Variants in RBFOX3 observed in about 807,000 individuals in gnomAD.
RBFOX3 encodes the protein RNA binding protein fox-1 homolog 3.
Under a neutral mutation model 48.7 loss-of-function variants are expected in RBFOX3, and 17 were observed. The ratio of observed to expected loss-of-function variants is 0.35; its 90% confidence interval spans 0.24 to 0.52. The LOEUF (loss-of-function observed/expected upper bound fraction) is 0.52, where lower values mean the gene tolerates loss of function less well. Among genes scored for constraint, RBFOX3 ranks in the 20% least tolerant of loss-of-function variants. The probability of loss-of-function intolerance (pLI) is 0.94; values close to 1 mark genes in which losing one functional copy is unlikely to be tolerated. For missense variants in RBFOX3, 382 were observed against 497.5 expected, an observed-to-expected ratio of 0.77 and a Z score of 2.21; for synonymous variants, 212 against 209.5, an observed-to-expected ratio of 1.01 and a Z score of -0.10.
At chr17:79,123,507 G>T (rs756554461) in intron 4 of RBFOX3, among the ~76,000 whole-genome samples, 34 of 150,948 alleles carry the variant, frequency 2.3e-4, no homozygotes, top group Non-Finnish European at 4.6e-4. Flanking sequence ...CAAGGACTTT[G>T]TCCCTCCTGC....
chr17:79,204,998 C>T lies in RBFOX3; in HGVS notation c.-34+30768G>A, dbSNP rs969401920. 1.3e-5 allele frequency among the ~76,000 whole-genome samples: 2 copies of T among 152,082 alleles called. No homozygotes were observed. The highest frequency in any genetic ancestry group is 2.4e-5 in the African/African-American group (1 of 41,384). On this transcript the variant is annotated intron_variant, in intron 4 of 14. Coordinates refer to ENST00000693108, the MANE Select transcript of RBFOX3 (RefSeq NM_001350451.2). This position sits in a 1 kb window ranked among gnomAD's most constrained non-coding sequence, Gnocchi z 4.5. ...CAGGAAAAAATCAAGAGCTAGAGAG[C>T]AGAGAACTCCTCAGTCATCACAACG... is the stretch of plus-strand genomic sequence containing the variant.
intron 4 of RBFOX3, among the ~76,000 whole-genome samples, chr17:79,179,065 G>T (rs1327521856): frequency 2.0e-5 from 3 of 152,200 alleles, no homozygotes; most frequent in South Asian, 2.1e-4. Context: ...AGTCAACAGG[G>T]GAAGCATCAA....
chr17:79,386,234 T>C lies in RBFOX3; in HGVS notation c.-174-78410A>G, dbSNP rs909118437. 2.9e-4 allele frequency among the ~76,000 whole-genome samples: 43 copies of C among 148,918 alleles called. 1 individual carries two copies. Among genetic ancestry groups the C allele is most frequent in the African/African-American group, 7.5e-4 (30 of 40,090 alleles). On this transcript the variant is annotated intron_variant, in intron 2 of 14. Coordinates refer to ENST00000693108, the MANE Select transcript of RBFOX3 (RefSeq NM_001350451.2). ...GAGAAAGAGGCTCCATCACCCTCCATTGCAGACAGGAACCTCCCACACCAG... is the reference window on the plus strand; with the variant it reads ...GAGAAAGAGGCTCCATCACCCTCCACTGCAGACAGGAACCTCCCACACCAG...
At chr17:79,294,730 C>A (rs868843700) in intron 3 of RBFOX3, among the ~76,000 whole-genome samples, 1 of 152,180 alleles carries the variant, frequency 6.6e-6, no homozygotes, top group Non-Finnish European at 1.5e-5. Context: ...CTGGGGGCCA[C>A]GTGGAGGAGG....
intron 1 of RBFOX3, among the ~76,000 whole-genome samples, chr17:79,557,142 G>A (rs1283927371): frequency 6.6e-6 from 1 of 151,192 alleles, no homozygotes; most frequent in African/African-American, 2.4e-5. Context: ...CTACTCGGGA[G>A]GCTGAAGCAG....
At chr17:79,475,619 T>C (rs1275776867) in intron 2 of RBFOX3, among the ~76,000 whole-genome samples, 4 of 152,262 alleles carry the variant, frequency 2.6e-5, no homozygotes, top group Admixed American at 2.6e-4. Context: ...ATGACTGGTG[T>C]CCTTAGAAGA....
the RBFOX3 span, among the ~76,000 whole-genome samples, chr17:79,660,851 T>A: frequency 6.6e-6 from 1 of 152,190 alleles, no homozygotes; most frequent in East Asian, 1.9e-4. Context: ...GCAGTACTAT[T>A]CACAATTGCA....
upstream of RBFOX3, among the ~76,000 whole-genome samples, chr17:79,614,109 C>T (rs1457302725): frequency 6.6e-6 from 1 of 152,242 alleles, no homozygotes; most frequent in East Asian, 1.9e-4. Flanking sequence ...AGCTGAGTCT[C>T]GGCCCAGAGG....
At chr17:79,460,222 C>T (rs1037533758) in intron 2 of RBFOX3, among the ~76,000 whole-genome samples, 7 of 152,148 alleles carry the variant, frequency 4.6e-5, no homozygotes, top group Non-Finnish European at 8.8e-5. Flanking sequence ...ACCACTGAAT[C>T]GCACCCTTTG....
Position 79,559,010 on chromosome 17 carries a change from A to G in RBFOX3, c.-320+51816T>C, listed in dbSNP as rs902408144. 2.7e-4 allele frequency among the ~76,000 whole-genome samples: 41 copies of G among 152,174 alleles called. 1 individual carries two copies. The East Asian group carries it at 7.0e-3, about 26-fold the overall frequency. The stretch of plus-strand genomic sequence containing the variant: ...CTGAGGGGCAGCAGCTGGACTCCTG[A>G]GAGTCCCCACCAGGAGACCCTGGGA... On this transcript the variant is annotated intron_variant, in intron 1 of 14. Transcript: ENST00000693108.
chr17:79,136,909 G>A (rs922969655), intron 4 of RBFOX3, among the ~76,000 whole-genome samples: 3 of 152,118 alleles, frequency 2.0e-5, no homozygotes, highest in Non-Finnish European at 4.4e-5. Context: ...CAGAGTGGAC[G>A]ATTCACACTC....
intron 4 of RBFOX3, among the ~76,000 whole-genome samples, chr17:79,137,655 G>C (rs1026078918): frequency 2.9e-5 from 4 of 140,032 alleles, no homozygotes; most frequent in Admixed American, 7.7e-5. Context: ...CCGGGCACGC[G>C]GGGAGGGTGT....
intron 2 of RBFOX3, among the ~76,000 whole-genome samples, chr17:79,435,283 C>A (rs536305924): frequency 6.6e-6 from 1 of 152,186 alleles, no homozygotes; most frequent in South Asian, 2.1e-4. Context: ...GGAGTGTAGG[C>A]TCTGGAGCCA....
chr17:79,572,331 TG>T (rs1377083507), intron 1 of RBFOX3, among the ~76,000 whole-genome samples: 1 of 152,168 alleles, frequency 6.6e-6, no homozygotes, highest in Non-Finnish European at 1.5e-5. Flanking sequence ...CCACAGTCCT[TG>T]GGGCACCTGG....
At chr17:79,451,563 G>A (rs918739567) in intron 2 of RBFOX3, among the ~76,000 whole-genome samples, 1 of 152,182 alleles carries the variant, frequency 6.6e-6, no homozygotes, top group Non-Finnish European at 1.5e-5. Context: ...CTGGCAGGAG[G>A]GAAAATGACC....
intron 1 of RBFOX3, among the ~76,000 whole-genome samples, chr17:79,603,028 T>A (rs958337872): frequency 8.8e-4 from 132 of 150,588 alleles, no homozygotes; most frequent in African/African-American, 2.7e-3. Context: ...TCTTGCTCTG[T>A]TGCCCAGACT....
rs1358855806 is a variant in RBFOX3, at chr17:79,271,278, G to T, written c.-73-35473C>A. On this transcript the variant is annotated intron_variant, in intron 3 of 14. Coordinates refer to ENST00000693108, the MANE Select transcript of RBFOX3 (RefSeq NM_001350451.2). ...TTTAGTAGAGACAGTGTTTCACCAT[G>T]ATGGCCAGGCTGGTCTCGAATTCCT... 2.6e-5 allele frequency among the ~76,000 whole-genome samples: 4 copies of T among 152,256 alleles called. No homozygotes were observed. The South Asian group carries it at 6.2e-4, about 24-fold the overall frequency.
intron 3 of RBFOX3, among the ~76,000 whole-genome samples, chr17:79,283,306 T>C (rs1297674434): frequency 2.8e-5 from 4 of 143,942 alleles, no homozygotes; most frequent in Non-Finnish European, 6.0e-5. Flanking sequence ...TCTTGCTCTG[T>C]CGCCCAGGCT....
rs574019159 is a variant in RBFOX3 at position 79,443,319 on chromosome 17, C to T, written c.-175+39135G>A. ...GAGACCAGGCCAAGGCCTTGCCAAA[C>T]ACACACTCACATAAATGCAGTCATG... is the stretch of plus-strand genomic sequence containing the variant. On this transcript the variant is annotated intron_variant, in intron 2 of 14. Coordinates refer to ENST00000693108, the MANE Select transcript of RBFOX3 (RefSeq NM_001350451.2). The surrounding 1 kb of genome is among the most constrained non-coding windows in gnomAD (Gnocchi z 4.4). Among the ~76,000 whole-genome samples the T allele has an allele frequency of 1.3e-4, 20 of 152,374 alleles. No individual in the cohort carries two copies. Among genetic ancestry groups the T allele is most frequent in the African/African-American group, 4.6e-4 (19 of 41,594 alleles).
Sources: allele counts gnomAD v4.1 joint callset (sites outside exome capture counted in the v4.1 genomes callset), GRCh38; gene constraint gnomAD v4.1.1; non-coding constraint Gnocchi (gnomAD v3.1); transcripts MANE v1.5; gene names NCBI Gene and HGNC (gene_info 2026-07-23, HGNC 2026-07-21).